DPF3: variants seen among roughly 807,000 people sequenced by gnomAD.
DPF3 encodes zinc finger protein DPF3.
DPF3 carries 18 observed loss-of-function variants against 56.8 expected under a neutral mutation model. The ratio of observed to expected loss-of-function variants is 0.32; its 90% CI spans 0.22 to 0.47. DPF3 has a LOEUF of 0.47. DPF3 is among the 20% of genes least tolerant of loss of function. DPF3 has a pLI of 1.00. For synonymous variants in DPF3, 188 were observed against 180.2 expected (o/e 1.04, Z -0.35); for missense variants, 403 against 488.8 (o/e 0.82, Z 1.65).
intron 5 of DPF3, among the ~76,000 whole-genome samples, chr14:72,719,302 A>G (rs954919817): frequency 2.0e-5 from 3 of 151,518 alleles, no homozygotes; most frequent in Admixed American, 2.0e-4. Flanking sequence ...GGCTCAAACC[A>G]TCCTCCCACC....
intron 6 of DPF3, among the ~76,000 whole-genome samples, chr14:72,705,458 CA>C (rs1218302673): frequency 1.3e-5 from 2 of 152,050 alleles, no homozygotes; most frequent in Admixed American, 6.6e-5. Context: ...AAATAAAGGG[CA>C]CAATAAGTGT....
At chr14:72,892,106 C>A in intron 1 of DPF3, 1 of 1,505,538 alleles carries the variant, frequency 6.6e-7, no homozygotes, top group Admixed American at 2.2e-5. Context: ...AAAGCGGGCT[C>A]CCGGGTAACT....
At chr14:72,690,701 G>A (rs1236491809) in intron 7 of DPF3, among the ~76,000 whole-genome samples, 1 of 152,046 alleles carries the variant, frequency 6.6e-6, no homozygotes, top group Non-Finnish European at 1.5e-5. Flanking sequence ...CAAGGAAAAT[G>A]AGACACAGAC....
intron 1 of DPF3, among the ~76,000 whole-genome samples, chr14:72,789,022 G>A (rs1377590803): frequency 6.6e-6 from 1 of 152,196 alleles, no homozygotes; most frequent in Non-Finnish European, 1.5e-5. Flanking sequence ...CAGCCCTCCA[G>A]TGAGGCCTCC....
chr14:72,811,091 C>T (rs1189097054), intron 1 of DPF3, among the ~76,000 whole-genome samples: 2 of 152,166 alleles, frequency 1.3e-5, no homozygotes, highest in Non-Finnish European at 2.9e-5. Flanking sequence ...ACCAAGGCAG[C>T]AAGGGTGGGA....
At chr14:72,751,565 C>T (rs750949394) in intron 3 of DPF3, among the ~76,000 whole-genome samples, 3 of 152,160 alleles carry the variant, frequency 2.0e-5, no homozygotes, top group Non-Finnish European at 4.4e-5. Context: ...CACCACTAGC[C>T]ACCTGTGGCT....
rs1158510213 is a variant in DPF3 at position 72,795,291 on chromosome 14, A to ATATAT, written c.33-23399_33-23398insATATA. Reference sequence around the variant, plus strand: ...CCTCTTTTTGACAAAAAAAAAAAAAAAAAAATATATATATATATATATATA... The same window carrying ATATAT: ...CCTCTTTTTGACAAAAAAAAAAAAAATATATAAAAATATATATATATATATATATA... On this transcript the variant is annotated intron_variant, in intron 1 of 10. Transcript: ENST00000556509. Among the ~76,000 whole-genome samples, 1,171 of 122,096 alleles carry ATATAT rather than the reference A, an allele frequency of 9.6e-3. 5 individuals carry two copies. The highest frequency in any genetic ancestry group is 0.016 in the Non-Finnish European group (903 of 57,914). 80.1% of individuals were successfully genotyped at this position (122,096 alleles called of 152,430 possible).
intron 1 of DPF3, among the ~76,000 whole-genome samples, chr14:72,795,649 C>T (rs975503306): frequency 6.6e-6 from 1 of 152,178 alleles, no homozygotes; most frequent in Non-Finnish European, 1.5e-5. Context: ...TCAGCAAATA[C>T]TACCAGGCCC....
intron 1 of DPF3, chr14:72,836,564 A>T (rs1253787008): frequency 8.3e-6 from 8 of 964,076 alleles, no homozygotes; most frequent in Middle Eastern, 5.3e-4. Flanking sequence ...CTGTGATGTC[A>T]CTCCTTTTAT....
intron 3 of DPF3, among the ~76,000 whole-genome samples, chr14:72,736,038 T>C (rs1178455135): frequency 6.6e-6 from 1 of 152,212 alleles, no homozygotes; most frequent in East Asian, 1.9e-4. Context: ...GTTTGAATAG[T>C]TTTGATTTCA....
intron 5 of DPF3, among the ~76,000 whole-genome samples, chr14:72,715,945 C>T (rs991380279): frequency 5.9e-5 from 9 of 151,430 alleles, no homozygotes; most frequent in East Asian, 2.0e-4. Flanking sequence ...GCAGTCACCC[C>T]GGGCACTGAC....
chr14:72,805,592 T>C (rs141938243), intron 1 of DPF3, among the ~76,000 whole-genome samples: 3 of 151,866 alleles, frequency 2.0e-5, no homozygotes, highest in African/African-American at 7.2e-5. Context: ...ACACCTGTAA[T>C]TCCAGCACTT....
chr14:72,705,029 C>A (rs757625076), intron 6 of DPF3, among the ~76,000 whole-genome samples: 1 of 152,178 alleles, frequency 6.6e-6, no homozygotes, highest in Non-Finnish European at 1.5e-5. Context: ...TGAATTACCA[C>A]GGACCATGCA....
At chr14:72,779,990 A>T (rs1044777333) in intron 1 of DPF3, among the ~76,000 whole-genome samples, 1 of 152,206 alleles carries the variant, frequency 6.6e-6, no homozygotes, top group Admixed American at 6.5e-5. Context: ...AAGCACAGAG[A>T]CCACATCTGG....
At chr14:72,798,883 A>C (rs1226566059) in intron 1 of DPF3, among the ~76,000 whole-genome samples, 1 of 152,256 alleles carries the variant, frequency 6.6e-6, no homozygotes, top group African/African-American at 2.4e-5. Context: ...AAGGTGCTCC[A>C]GGCATATCAG....
chr14:72,878,193 T>C (rs1886190068), intron 1 of DPF3, among the ~76,000 whole-genome samples: 1 of 152,196 alleles, frequency 6.6e-6, no homozygotes. Flanking sequence ...TTCAGGCCTC[T>C]TTCTGGTGGT....
Position 72,612,067 on chromosome 14 carries a change from T to C in DPF3, c.*7230A>G, listed in dbSNP as rs551853128. On this transcript the variant is annotated 3_prime_UTR_variant, in exon 11 of 11. Coordinates refer to ENST00000556509, the MANE Select transcript of DPF3 (RefSeq NM_001280542.3). ...CGATGCCCTGCCAAGGGTTTTAATT[T>C]AGCCAGTAACAGCCTGCCCTGCAAT... Among the ~76,000 whole-genome samples, 3 of 152,120 alleles carry C rather than the reference T, an allele frequency of 2.0e-5. No homozygotes were observed. The highest frequency in any genetic ancestry group is 4.4e-5 in the Non-Finnish European group (3 of 68,016).
chr14:72,787,398 T>C (rs761019199), intron 1 of DPF3, among the ~76,000 whole-genome samples: 27 of 152,104 alleles, frequency 1.8e-4, no homozygotes, highest in Non-Finnish European at 3.4e-4. Flanking sequence ...TGGGCCCAGG[T>C]CTCCCACGTC....
chr14:72,872,795 A>C (rs1000743728), intron 1 of DPF3, among the ~76,000 whole-genome samples: 28 of 152,246 alleles, frequency 1.8e-4, no homozygotes, highest in Non-Finnish European at 3.7e-4. Context: ...GATCTTTGAC[A>C]AACCTGACAA....
Sources: allele counts gnomAD v4.1 joint callset (sites outside exome capture counted in the v4.1 genomes callset), GRCh38; gene constraint gnomAD v4.1.1; transcripts MANE v1.5; gene names NCBI Gene and HGNC (gene_info 2026-07-23, HGNC 2026-07-21).